The following MBOAT2 variants were observed in gnomAD, a reference collection of about 807,000 sequenced individuals.
The protein encoded by MBOAT2 is membrane-bound glycerophospholipid O-acyltransferase 2.
Under a neutral mutation model 63.4 loss-of-function variants are expected in MBOAT2, and 28 were observed. That is an observed-to-expected ratio of 0.44 (90% CI 0.33 to 0.61). MBOAT2 has a LOEUF of 0.61. Among genes scored for constraint, MBOAT2 ranks in the 20% least tolerant of loss-of-function variants. The pLI is 0.03. For synonymous variants in MBOAT2, 211 were observed against 215.6 expected (o/e 0.98, Z 0.19); for missense variants, 470 against 605.8 (o/e 0.78, Z 2.35).
At chr2:8,884,738 G>A (rs1452171187) in intron 5 of MBOAT2, among the ~76,000 whole-genome samples, 1 of 152,204 alleles carries the variant, frequency 6.6e-6, no homozygotes, top group African/African-American at 2.4e-5. Context: ...TGCTTTCGAA[G>A]TGTAAACTAA....
chr2:8,877,849 C>T (rs1043350479), intron 6 of MBOAT2, among the ~76,000 whole-genome samples: 9 of 152,046 alleles, frequency 5.9e-5, no homozygotes, highest in Non-Finnish European at 1.0e-4. Flanking sequence ...GAGCTGGGCA[C>T]GGCTGGCAGC....
chr2:8,936,542 T>A (rs1667668021), intron 3 of MBOAT2, among the ~76,000 whole-genome samples: 1 of 151,980 alleles, frequency 6.6e-6, no homozygotes, highest in African/African-American at 2.4e-5. Context: ...CCCAGCACTC[T>A]GGGAGGCCAA....
At chr2:8,972,291 G>T (rs1358176364) in intron 1 of MBOAT2, among the ~76,000 whole-genome samples, 1 of 152,144 alleles carries the variant, frequency 6.6e-6, no homozygotes, top group Non-Finnish European at 1.5e-5. Context: ...TTAATAAATG[G>T]TGCTGGAAAA....
intron 3 of MBOAT2, among the ~76,000 whole-genome samples, 199 bp from the exon 4 acceptor site, chr2:8,908,915 T>A (rs1665516121): frequency 6.6e-6 from 1 of 152,222 alleles, no homozygotes; most frequent in Admixed American, 6.5e-5. Context: ...TCACCTTCAA[T>A]GGTAAATTCA....
chr2:8,912,341 AAG>A (rs1491354669), intron 3 of MBOAT2, among the ~76,000 whole-genome samples: 1 of 96,762 alleles, frequency 1.0e-5, no homozygotes, highest in Admixed American at 1.2e-4. Flanking sequence ...GAAAGAAAGA[AAG>A]AAAGAAAGAG....
chr2:8,900,035 G>GC (rs199643906), intron 4 of MBOAT2, among the ~76,000 whole-genome samples: 3,970 of 152,136 alleles, frequency 0.026, 183 homozygotes, highest in African/African-American at 0.09. Flanking sequence ...TTTTCTTAAG[G>GC]CCCCCCATAG....
chr2:8,949,162 G>A (rs930250248), intron 2 of MBOAT2, among the ~76,000 whole-genome samples: 6 of 152,056 alleles, frequency 3.9e-5, no homozygotes, highest in African/African-American at 1.4e-4. Flanking sequence ...CATGCCTTTT[G>A]CCCATTTTTA....
chr2:8,926,232 G>A (rs916606066), intron 3 of MBOAT2, among the ~76,000 whole-genome samples: 11 of 152,108 alleles, frequency 7.2e-5, no homozygotes, highest in African/African-American at 9.7e-5. Context: ...GGGCTCAAGC[G>A]ATTCCCCTAC....
rs1332651170 is a variant in MBOAT2, at chr2:8,862,293, A to C, written c.1185+297T>G. 7.5e-7 allele frequency: 1 copy of C among 1,333,874 alleles called. No individual in the cohort carries two copies. The highest frequency in any genetic ancestry group is 4.5e-5 in the East Asian group (1 of 22,396). 82.6% of individuals were successfully genotyped at this position (1,333,874 alleles called of 1,614,324 possible). A position where few individuals can be genotyped will look rare whatever the true frequency, so the allele number is the denominator to read the frequency against. On this transcript the variant is annotated intron_variant, in intron 11 of 12. Coordinates refer to ENST00000305997, the MANE Select transcript of MBOAT2 (RefSeq NM_138799.4). This position sits in a 1 kb window ranked among gnomAD's most constrained non-coding sequence, Gnocchi z 4.3. ...TACCCATTCTGATCATCTTTATTTA[A>C]CTCAGTTTTTATCTCTCCTTCAGAA... is the stretch of plus-strand genomic sequence containing the variant.
At chr2:8,900,579 G>A (rs1664846085) in intron 4 of MBOAT2, among the ~76,000 whole-genome samples, 1 of 152,152 alleles carries the variant, frequency 6.6e-6, no homozygotes, top group African/African-American at 2.4e-5. Flanking sequence ...GGGGGGTTTT[G>A]TGGTACTTTG....
chr2:8,860,710 A>G lies in MBOAT2; in HGVS notation c.1240T>C (p.Tyr414His). The G allele has an allele frequency of 1.2e-6, 2 of 1,606,596 alleles. No individual in the cohort carries two copies. Among genetic ancestry groups the G allele is most frequent in the Non-Finnish European group, 1.7e-6 (2 of 1,173,972 alleles). The change falls in exon 12 of 13, where the codon TAT becomes CAT. Residue 414 changes from tyrosine to histidine, a missense_variant. Tyr to His is a moderately conservative substitution (Grantham distance 83). Around this residue, in one of 3 missense-constraint regions of MBOAT2, gnomAD observed 376 missense variants for 503.8 expected, o/e 0.75. Coordinates refer to ENST00000305997, the MANE Select transcript of MBOAT2 (RefSeq NM_138799.4). ...FIEPSQLKLF[Y>H]DVITWIVTQV... The stretch of plus-strand genomic sequence containing the variant: ...GTTACTATCCATGTTATAACATCAT[A>G]AAATAATTTCAGTTGGGAAGGTTCA...
chr2:8,909,423 C>A (rs1665550467), intron 3 of MBOAT2, among the ~76,000 whole-genome samples: 1 of 152,108 alleles, frequency 6.6e-6, no homozygotes, highest in South Asian at 2.1e-4. Context: ...CTTCATCTCA[C>A]ACCGAAACAA....
Position 8,853,741 on chromosome 2 carries a change from C to T in MBOAT2, c.*4938G>A, listed in dbSNP as rs890862912. ...GGTCATCACACTATAATTTACAGAA[C>T]ATACAGTCTTAGTGTTGTATTTTTT... On this transcript the variant is annotated 3_prime_UTR_variant, in exon 13 of 13. Transcript: ENST00000305997. 4.6e-5 allele frequency: 7 copies of T among 152,234 alleles called. No individual in the cohort carries two copies. Among genetic ancestry groups the T allele is most frequent in the African/African-American group, 1.7e-4 (7 of 41,556 alleles). 9.4% of individuals were successfully genotyped at this position (152,234 alleles called of 1,614,324 possible).
At chr2:8,896,033 C>T (rs566049589) in intron 4 of MBOAT2, among the ~76,000 whole-genome samples, 5 of 151,940 alleles carry the variant, frequency 3.3e-5, no homozygotes, top group African/African-American at 7.2e-5. Flanking sequence ...GTCAGAAGAT[C>T]GAGACCATCC....
chr2:8,988,660 C>T (rs1468902715), intron 1 of MBOAT2, among the ~76,000 whole-genome samples: 1 of 152,016 alleles, frequency 6.6e-6, no homozygotes, highest in East Asian at 1.9e-4. Context: ...CAACATTAAA[C>T]AAAATAACCC....
At chr2:8,861,660 T>C (rs750305321) in intron 11 of MBOAT2, among the ~76,000 whole-genome samples, 4 of 152,196 alleles carry the variant, frequency 2.6e-5, no homozygotes, top group Non-Finnish European at 5.9e-5. Context: ...GAAATAACTT[T>C]CATCTCTCAA....
intron 3 of MBOAT2, among the ~76,000 whole-genome samples, chr2:8,938,844 G>A (rs192886233): frequency 9.2e-5 from 14 of 152,286 alleles, no homozygotes; most frequent in African/African-American, 3.1e-4. Context: ...AGTAAAGTCT[G>A]CCCTTGCTAC....
In MBOAT2 at chr2:8,984,780, G is replaced by A. The variant is rs1022049359; in HGVS notation, c.75+18760C>T. On this transcript the variant is annotated intron_variant, in intron 1 of 12. Coordinates refer to ENST00000305997, the MANE Select transcript of MBOAT2 (RefSeq NM_138799.4). ...CAACTTAAAGTTATAAGTGGTATTG[G>A]CCAAATTTTATTTAATTTTACATAA... is the stretch of plus-strand genomic sequence containing the variant. Among the ~76,000 whole-genome samples, 11 of 152,144 alleles carry A rather than the reference G, an allele frequency of 7.2e-5. No individual in the cohort carries two copies. The Middle Eastern group carries it at 0.01, about 141-fold the overall frequency.
intron 5 of MBOAT2, among the ~76,000 whole-genome samples, chr2:8,884,965 T>TG (rs1663441835): frequency 6.6e-6 from 1 of 152,322 alleles, no homozygotes; most frequent in African/African-American, 2.4e-5. Context: ...CAATGGGGTA[T>TG]GACAAGACTT....
Sources: gnomAD v4.1 joint callset for allele counts (sites outside exome capture counted in the v4.1 genomes callset) on GRCh38, gnomAD v4.1.1 for gene constraint, gnomAD v4.1.1 regional missense constraint, Gnocchi (gnomAD v3.1) non-coding constraint, MANE v1.5 for transcripts, NCBI Gene and HGNC (gene_info 2026-07-23, HGNC 2026-07-21) for gene names.